The following XYLT1 variants were observed in gnomAD, a reference collection of about 807,000 sequenced individuals.
The protein encoded by XYLT1 is beta-D-xylosyltransferase 1.
XYLT1 carries 36 observed loss-of-function variants against 91.3 expected under a neutral mutation model. That is an observed-to-expected ratio of 0.39 (90% confidence interval 0.30 to 0.52). The LOEUF is 0.52. Ranked by LOEUF, XYLT1 falls within the 20% of genes least tolerant of loss-of-function variation. The pLI, the probability that XYLT1 is intolerant of heterozygous loss-of-function variation, is 0.68. For missense variants in XYLT1, 1,242 were observed against 1,284.5 expected (o/e 0.97, Z 0.51); for synonymous variants, 588 against 532.0 (o/e 1.11, Z -1.45).
At position 17,208,637 on chromosome 16, in the gene XYLT1, T is replaced by C. The variant is rs187090017; in HGVS notation, c.914-7983A>G. Among the ~76,000 whole-genome samples, 523 of 152,348 alleles carry C rather than the reference T, an allele frequency of 3.4e-3. 3 individuals carry two copies. The highest frequency in any genetic ancestry group is 0.012 in the African/African-American group (506 of 41,590). On this transcript the variant is annotated intron_variant, in intron 3 of 11. Transcript: ENST00000261381. ...ATAGAATTTTCCGCTTGTAGCATTA[T>C]GTGCCCAAAATGTTCTGGATTTCGG...
Position 17,122,854 on chromosome 16 carries a change from C to T in XYLT1, c.2223+4812G>A, listed in dbSNP as rs146880545. Reference sequence around the variant, plus strand: ...TGTTGAATAGGGTGTTCTTTTCCCACTTTGTTTTTGTGTGCCGTGTTGAAG... The same window carrying T: ...TGTTGAATAGGGTGTTCTTTTCCCATTTTGTTTTTGTGTGCCGTGTTGAAG... On this transcript the variant is annotated intron_variant, in intron 10 of 11. Transcript: ENST00000261381. Among the ~76,000 whole-genome samples, 12 of 152,276 alleles carry T rather than the reference C, an allele frequency of 7.9e-5. No individual in the cohort carries two copies. The East Asian group carries it at 2.3e-3, about 29-fold the overall frequency.
chr16:17,350,853 G>C (rs2035210653), intron 2 of XYLT1, among the ~76,000 whole-genome samples: 1 of 152,074 alleles, frequency 6.6e-6, no homozygotes, highest in Admixed American at 6.6e-5. Context: ...TCCCAGGAGA[G>C]GGGAAGAGCT....
At chr16:17,415,295 G>T (rs1219000242) in intron 1 of XYLT1, among the ~76,000 whole-genome samples, 2 of 152,148 alleles carry the variant, frequency 1.3e-5, no homozygotes, top group Admixed American at 1.3e-4. Context: ...GCGAAGAGCT[G>T]GTGCAGGAGT....
At chr16:17,227,105 G>A (rs1325961716) in intron 3 of XYLT1, 1 of 152,262 alleles carries the variant, frequency 6.6e-6, no homozygotes, top group African/African-American at 2.4e-5. Flanking sequence ...GCAGGTACCA[G>A]GGGTGTGAAG....
At chr16:17,381,837 G>A (rs895818471) in intron 1 of XYLT1, among the ~76,000 whole-genome samples, 1 of 152,132 alleles carries the variant, frequency 6.6e-6, no homozygotes, top group Admixed American at 6.6e-5. Context: ...CATTACAGAA[G>A]GAGAAATTAA....
intron 2 of XYLT1, among the ~76,000 whole-genome samples, chr16:17,285,874 CTGTGTGTGTGTGTGTGTGTG>C (rs56267931): frequency 1.4e-4 from 20 of 145,242 alleles, no homozygotes; most frequent in South Asian, 9.3e-4. Flanking sequence ...TGGTGTATCT[CTGTGTGTGTGTGTGTGTGTG>C]TGTGTGTGTG....
intron 2 of XYLT1, among the ~76,000 whole-genome samples, chr16:17,305,479 G>A (rs569166961): frequency 7.2e-4 from 107 of 148,408 alleles, no homozygotes; most frequent in Non-Finnish European, 2.5e-4. Context: ...GCAGTGGTGC[G>A]ATCTCGGCTC....
intron 3 of XYLT1, among the ~76,000 whole-genome samples, chr16:17,220,349 AAGCT>A (rs1218819578): frequency 6.6e-6 from 1 of 152,218 alleles, no homozygotes; most frequent in Non-Finnish European, 1.5e-5. Flanking sequence ...AAATCTGAGC[AAGCT>A]GTCACCCAGG....
intron 2 of XYLT1, among the ~76,000 whole-genome samples, chr16:17,298,089 A>T (rs2034340010): frequency 6.6e-6 from 1 of 152,144 alleles, no homozygotes; most frequent in Admixed American, 6.5e-5. Context: ...CATTCTACAG[A>T]TGAGGAAACT....
chr16:17,407,401 CCTG>C (rs368385930), intron 1 of XYLT1, among the ~76,000 whole-genome samples: 142 of 152,288 alleles, frequency 9.3e-4, no homozygotes, highest in African/African-American at 3.1e-3. Context: ...TTTCAAAGTG[CCTG>C]CTAAGCCCAG....
chr16:17,359,683 C>T (rs886718758), intron 1 of XYLT1, among the ~76,000 whole-genome samples: 4 of 152,142 alleles, frequency 2.6e-5, no homozygotes, highest in Non-Finnish European at 4.4e-5. Flanking sequence ...ATGTTCTCCC[C>T]GTCTCCCCAC....
chr16:17,357,992 A>T lies in XYLT1; in HGVS notation c.402+20T>A. ...AATACTAAGGCTGAGATAAGTGGCC[A>T]AGACAGGAAAGATACTTACCTGAGT... On this transcript the variant is annotated intron_variant, in intron 2 of 11. Coordinates refer to ENST00000261381, the MANE Select transcript of XYLT1 (RefSeq NM_022166.4). The T allele has an allele frequency of 6.2e-7, 1 of 1,613,206 alleles. No individual in the cohort carries two copies. The highest frequency in any genetic ancestry group is 8.5e-7 in the Non-Finnish European group (1 of 1,179,608).
At chr16:17,305,323 T>C (rs897738114) in intron 2 of XYLT1, among the ~76,000 whole-genome samples, 4 of 152,168 alleles carry the variant, frequency 2.6e-5, no homozygotes, top group Admixed American at 2.6e-4. Context: ...GTCCTCTGGA[T>C]AAGAGCGAAC....
chr16:17,455,687 A>G (rs2036731342), intron 1 of XYLT1, among the ~76,000 whole-genome samples: 1 of 152,168 alleles, frequency 6.6e-6, no homozygotes, highest in African/African-American at 2.4e-5. Context: ...AGTTTGTTTC[A>G]TGGTTTAAGG....
intron 3 of XYLT1, among the ~76,000 whole-genome samples, chr16:17,232,197 TATATA>T (rs2033168605): frequency 7.1e-6 from 1 of 141,842 alleles, no homozygotes; most frequent in African/African-American, 2.6e-5. Context: ...ATATATAAAA[TATATA>T]ATATATATTA....
At position 17,470,565 on chromosome 16, in the gene XYLT1, G is replaced by C. The variant is rs1044397881; in HGVS notation, c.232C>G (p.Arg78Gly). ...RDLPAEPAAA[R>G]GGGGGGGGGG... ...CCGCCGCCGCCTCCTCCTCCTCCTC[G>C]GGCTGCAGCCGGCTCGGCGGGCAGG... Residue 78 changes from arginine to glycine, a missense_variant, in exon 1 of 12, where the codon CGA (arginine) becomes GGA (glycine). Around this residue, in one of 3 missense-constraint regions of XYLT1, gnomAD observed 437 missense variants for 411.5 expected, o/e 1.06. Transcript: ENST00000261381. 13 of 1,207,114 alleles carry C rather than the reference G, an allele frequency of 1.1e-5. No homozygotes were observed. The highest frequency in any genetic ancestry group is 3.3e-4 in the Middle Eastern group (1 of 3,070). 74.8% of individuals were successfully genotyped at this position (1,207,114 alleles called of 1,614,324 possible).
chr16:17,369,921 G>T (rs986036144), intron 1 of XYLT1, among the ~76,000 whole-genome samples: 3 of 152,184 alleles, frequency 2.0e-5, no homozygotes, highest in Non-Finnish European at 2.9e-5. Context: ...GTTGGCCCGA[G>T]GAGCCAAAAA....
At chr16:17,338,841 T>C (rs928688270) in intron 2 of XYLT1, among the ~76,000 whole-genome samples, 2 of 152,144 alleles carry the variant, frequency 1.3e-5, no homozygotes, top group African/African-American at 4.8e-5. Context: ...CACTTCGGCC[T>C]CCCAAAGTGC....
intron 2 of XYLT1, among the ~76,000 whole-genome samples, chr16:17,344,386 A>T (rs1450233487): frequency 3.3e-5 from 5 of 150,764 alleles, no homozygotes; most frequent in Admixed American, 2.0e-4. Flanking sequence ...CCAGCTACTC[A>T]GGAGGCTGAG....
Sources: allele counts gnomAD v4.1 joint callset (sites outside exome capture counted in the v4.1 genomes callset), GRCh38; gene constraint gnomAD v4.1.1; regional missense constraint gnomAD v4.1.1; transcripts MANE v1.5; gene names NCBI Gene and HGNC (gene_info 2026-07-23, HGNC 2026-07-21).